Variants in PCDHA3 observed in about 807,000 individuals in gnomAD.
The protein encoded by PCDHA3 is protocadherin alpha 3.
In PCDHA3, 41 loss-of-function variants were observed where a neutral mutation model predicts 62.2. The observed-to-expected ratio is 0.66, with a 90% CI of 0.51 to 0.86. The LOEUF is 0.86. Among genes scored for constraint, PCDHA3 ranks in the 40% least tolerant of loss-of-function variants. The probability of loss-of-function intolerance (pLI) is 0.00; values close to 1 mark genes in which losing one functional copy is unlikely to be tolerated. For missense variants in PCDHA3, 1,304 were observed against 1,241.2 expected, an observed-to-expected ratio of 1.05 and a Z score of -0.76; for synonymous variants, 640 against 555.4, an observed-to-expected ratio of 1.15 and a Z score of -2.14.
intron 1 of PCDHA3, among the ~76,000 whole-genome samples, chr5:140,955,906 G>T (rs1044355938): frequency 2.0e-5 from 3 of 152,040 alleles, no homozygotes; most frequent in East Asian, 3.9e-4. Flanking sequence ...TCTCTTTGTA[G>T]CAATTGTGAA....
At chr5:140,932,946 G>A (rs1554209125) in intron 1 of PCDHA3, among the ~76,000 whole-genome samples, 1 of 151,982 alleles carries the variant, frequency 6.6e-6, no homozygotes, top group East Asian at 1.9e-4. Flanking sequence ...TGGAATGAAG[G>A]TGGACTAAAT....
In PCDHA3 at chr5:140,823,005, C is replaced by T. The variant is rs2150121169; in HGVS notation, c.2394+19414C>T. On this transcript the variant is annotated intron_variant, in intron 1 of 3. Coordinates refer to ENST00000522353, the MANE Select transcript of PCDHA3 (RefSeq NM_018906.3). ...ATTACTACTCGTTGGTGCTGGACAG[C>T]GCCCTGGACCGCGAGAGCGTGTCGG... 5,038 of 1,614,224 alleles carry T rather than the reference C, an allele frequency of 3.1e-3. 120 individuals are homozygous for T. In the African/African-American group the frequency reaches 0.055, roughly 18 times the overall value.
intron 1 of PCDHA3, among the ~76,000 whole-genome samples, chr5:140,887,610 A>G (rs544288452): frequency 3.2e-4 from 49 of 151,656 alleles, no homozygotes; most frequent in Admixed American, 2.7e-3. Context: ...GTGCTTTAGT[A>G]TGGTTTTCTT....
At chr5:140,837,960 C>T (rs1483663172) in intron 1 of PCDHA3, among the ~76,000 whole-genome samples, 2 of 151,794 alleles carry the variant, frequency 1.3e-5, no homozygotes, top group African/African-American at 2.4e-5. Context: ...ATTACAGACA[C>T]GAACAACCAC....
At chr5:140,821,837 C>T (rs1554128249) in intron 1 of PCDHA3, 3 of 1,614,154 alleles carry the variant, frequency 1.9e-6, no homozygotes, top group Non-Finnish European at 2.5e-6. Flanking sequence ...CTTCTCCTTG[C>T]CTACTGGAAG....
At chr5:140,906,891 T>C (rs2073026399) in intron 1 of PCDHA3, among the ~76,000 whole-genome samples, 1 of 152,152 alleles carries the variant, frequency 6.6e-6, no homozygotes, top group South Asian at 2.1e-4. Context: ...CCTTCTTAGA[T>C]TGTTGGTTTA....
Position 140,845,869 on chromosome 5 carries a change from C to T in PCDHA3, c.2394+42278C>T, listed in dbSNP as rs1190017155. On this transcript the variant is annotated intron_variant, in intron 1 of 3. Transcript: ENST00000522353. ...AAAGAAGTTAGTGATTGCAGAAAGG[C>T]AACCTAAAATGTCAGAAAGTCGTTA... is the stretch of plus-strand genomic sequence containing the variant. Among the ~76,000 whole-genome samples the T allele has an allele frequency of 2.0e-5, 3 of 149,586 alleles. 1 individual carries two copies. Among genetic ancestry groups the T allele is most frequent in the Non-Finnish European group, 4.5e-5 (3 of 66,866 alleles).
chr5:140,837,615 C>CCCTTCCTT (rs528339826), intron 1 of PCDHA3, among the ~76,000 whole-genome samples: 3 of 145,806 alleles, frequency 2.1e-5, no homozygotes, highest in Admixed American at 6.9e-5. Context: ...TATAATTTGC[C>CCCTTCCTT]CCTTCCTTCC....
At chr5:140,970,156 T>C (rs933887683) in intron 1 of PCDHA3, among the ~76,000 whole-genome samples, 6 of 152,188 alleles carry the variant, frequency 3.9e-5, no homozygotes, top group African/African-American at 1.4e-4. Context: ...CTCCCAATAG[T>C]CACCTTTCTT....
At chr5:140,927,193 C>G in intron 1 of PCDHA3, 1 of 1,614,186 alleles carries the variant, frequency 6.2e-7, no homozygotes, top group South Asian at 1.1e-5. Context: ...CGACCTGGTG[C>G]TCGAGGACCC....
chr5:140,809,075 G>A (rs1764355848), intron 1 of PCDHA3: 2 of 1,613,810 alleles, frequency 1.2e-6, no homozygotes, highest in African/African-American at 1.3e-5. Context: ...GTACACTGGC[G>A]AGATCAGCAC....
chr5:140,993,463 CACACA>C (rs1563592057), intron 3 of PCDHA3, among the ~76,000 whole-genome samples: 16 of 7,580 alleles, frequency 2.1e-3, no homozygotes, highest in African/African-American at 9.9e-3. Flanking sequence ...CTTTCTTTCT[CACACA>C]CACACACACA....
intron 1 of PCDHA3, chr5:140,829,604 T>C: frequency 1.2e-6 from 2 of 1,612,064 alleles, no homozygotes; most frequent in Non-Finnish European, 1.7e-6. Context: ...GCGCGCGTTG[T>C]CGAGCTACAT....
chr5:140,803,166 C>T lies in PCDHA3; in HGVS notation c.1969C>T (p.Pro657Ser). The change falls in exon 1 of 4, where the codon CCC (proline) becomes TCC (serine). Residue 657 changes from proline (P) to serine (S), a missense_variant. Transcript: ENST00000522353. The stretch of plus-strand genomic sequence containing the variant: ...GGTGCTGGTGAAGGACCACGGTGAA[C>T]CCTCATTGACCGCCACGGCCACTGT... ...LLVLVKDHGEPSLTATATVLV... is the reference protein window; with the variant it reads ...LLVLVKDHGESSLTATATVLV... The T allele has an allele frequency of 6.2e-7, 1 of 1,613,914 alleles. No homozygotes were observed. Among genetic ancestry groups the T allele is most frequent in the Non-Finnish European group, 8.5e-7 (1 of 1,179,950 alleles).
chr5:140,810,353 G>GT (rs1172814895), intron 1 of PCDHA3: 1 of 152,168 alleles, frequency 6.6e-6, no homozygotes, highest in Non-Finnish European at 1.5e-5. Context: ...TTGCCTAAGA[G>GT]TTGTGTTTGT....
intron 1 of PCDHA3, among the ~76,000 whole-genome samples, chr5:140,833,768 C>CT (rs1772646157): frequency 7.0e-6 from 1 of 142,080 alleles, no homozygotes; most frequent in Non-Finnish European, 1.6e-5. Flanking sequence ...ACACACACAC[C>CT]GCTTTCTAAG....
chr5:140,971,184 A>C (rs1431296656), intron 1 of PCDHA3, among the ~76,000 whole-genome samples: 1 of 152,188 alleles, frequency 6.6e-6, no homozygotes, highest in African/African-American at 2.4e-5. Context: ...TGTAAGCCGG[A>C]AGCTCAGAGG....
At chr5:140,982,226 A>G in intron 2 of PCDHA3, 1 of 603,292 alleles carries the variant, frequency 1.7e-6, no homozygotes, top group Non-Finnish European at 2.5e-6. Context: ...GCGTTAATAA[A>G]AAACAGAATT....
intron 1 of PCDHA3, chr5:140,805,559 A>G: frequency 1.0e-6 from 1 of 976,686 alleles, no homozygotes; most frequent in African/African-American, 1.7e-5. Context: ...TATAGGAGGC[A>G]AGGAAAGTTT....
Sources: allele counts gnomAD v4.1 joint callset (sites outside exome capture counted in the v4.1 genomes callset), GRCh38; gene constraint gnomAD v4.1.1; transcripts MANE v1.5; gene names NCBI Gene and HGNC (gene_info 2026-07-23, HGNC 2026-07-21).